The following TTC28 variants were observed in gnomAD, a reference collection of about 807,000 sequenced individuals.
TTC28 encodes tetratricopeptide repeat protein 28.
In TTC28, 61 loss-of-function variants were observed where a neutral mutation model predicts 198.0. The observed-to-expected ratio is 0.31, with a 90% CI of 0.25 to 0.38. TTC28 has a LOEUF of 0.38. TTC28 is among the 10% of genes least tolerant of loss of function. The pLI, the probability that TTC28 is intolerant of heterozygous loss-of-function variation, is 1.00. For missense variants in TTC28, 2,678 were observed against 3,164.0 expected (o/e 0.85, Z 3.69); for synonymous variants, 1,171 against 1,297.8 (o/e 0.90, Z 2.10).
rs188388823 is a variant in TTC28 at position 28,118,907 on chromosome 22, T to C, written c.1442-10504A>G. Reference sequence around the variant, plus strand: ...TGATATTAGAAGTTAAATAAATCCTTTATGGAATGAAACAAGTTATAAACA... The same window carrying C: ...TGATATTAGAAGTTAAATAAATCCTCTATGGAATGAAACAAGTTATAAACA... On this transcript the variant is annotated intron_variant, in intron 6 of 22. Transcript: ENST00000397906. Among the ~76,000 whole-genome samples, 112 of 152,320 alleles carry C rather than the reference T, an allele frequency of 7.4e-4. 1 individual carries two copies. Among genetic ancestry groups the C allele is most frequent in the Admixed American group, 2.5e-3 (38 of 15,296 alleles).
chr22:28,469,475 A>T (rs1355091164), intron 2 of TTC28, among the ~76,000 whole-genome samples: 1 of 152,176 alleles, frequency 6.6e-6, no homozygotes, highest in East Asian at 1.9e-4. Context: ...ATTAAGGATC[A>T]AAAAAATAAA....
At chr22:28,639,456 CAT>C (rs2146231840) in intron 1 of TTC28, among the ~76,000 whole-genome samples, 1 of 152,258 alleles carries the variant, frequency 6.6e-6, no homozygotes, top group Admixed American at 6.5e-5. Context: ...TGAGCAAAGG[CAT>C]ATGTTAGTTG....
chr22:28,509,156 A>C (rs1182678542), intron 2 of TTC28, among the ~76,000 whole-genome samples: 1 of 150,604 alleles, frequency 6.6e-6, no homozygotes, highest in Admixed American at 6.6e-5. Flanking sequence ...GCACCACTGC[A>C]CTCTAGCCTG....
At chr22:28,281,397 CT>C (rs933312164) in intron 5 of TTC28, among the ~76,000 whole-genome samples, 3 of 105,392 alleles carry the variant, frequency 2.8e-5, no homozygotes, top group Admixed American at 8.1e-5. Context: ...CCATCAATGA[CT>C]AATTTGATTT....
At chr22:28,367,632 T>C (rs1420707633) in intron 2 of TTC28, among the ~76,000 whole-genome samples, 1 of 151,796 alleles carries the variant, frequency 6.6e-6, no homozygotes, top group Non-Finnish European at 1.5e-5. Flanking sequence ...AAACAAAAAG[T>C]TGGGTTTTTG....
chr22:27,980,684 G>A lies in TTC28; in HGVS notation c.*1537C>T, dbSNP rs1221147748. On this transcript the variant is annotated 3_prime_UTR_variant, in exon 23 of 23. Transcript: ENST00000397906. ...CCTTCATGAGGAACCCTGTAGTGAGGTGGGTAGGATTTTAATTTTAGAATT... is the reference window on the plus strand; with the variant it reads ...CCTTCATGAGGAACCCTGTAGTGAGATGGGTAGGATTTTAATTTTAGAATT... 6.6e-6 allele frequency: 1 copy of A among 151,482 alleles called. No individual in the cohort carries two copies. Among genetic ancestry groups the A allele is most frequent in the East Asian group, 1.9e-4 (1 of 5,140 alleles). The allele number at this position is 151,482 out of a possible 1,614,324, so 9.4% of individuals were successfully genotyped here.
intron 1 of TTC28, among the ~76,000 whole-genome samples, chr22:28,655,688 A>G (rs2051634097): frequency 6.6e-6 from 1 of 152,064 alleles, no homozygotes; most frequent in South Asian, 2.1e-4. Context: ...CGTCTCTACT[A>G]AAAATACAAA....
chr22:28,356,139 T>C (rs574146037), intron 2 of TTC28, among the ~76,000 whole-genome samples: 117 of 152,332 alleles, frequency 7.7e-4, no homozygotes, highest in Middle Eastern at 3.4e-3. Context: ...CATAAACATG[T>C]TCTGTTCTTT....
intron 2 of TTC28, among the ~76,000 whole-genome samples, chr22:28,347,092 A>G (rs2045913860): frequency 6.6e-6 from 1 of 151,850 alleles, no homozygotes; most frequent in East Asian, 1.9e-4. Context: ...GTGAAATCCC[A>G]TCTCCCCCAA....
chr22:28,401,068 T>C (rs1306770149), intron 2 of TTC28, among the ~76,000 whole-genome samples: 1 of 151,144 alleles, frequency 6.6e-6, no homozygotes, highest in Non-Finnish European at 1.5e-5. Context: ...GCCAGAAAAA[T>C]GGAAATCAGG....
chr22:28,525,947 T>C (rs1293051450), intron 2 of TTC28, among the ~76,000 whole-genome samples: 3 of 152,170 alleles, frequency 2.0e-5, no homozygotes, highest in Non-Finnish European at 2.9e-5. Flanking sequence ...ATCATATGAA[T>C]TCATCACAAA....
chr22:28,174,339 C>T (rs1170376000), intron 5 of TTC28, among the ~76,000 whole-genome samples: 2 of 152,134 alleles, frequency 1.3e-5, no homozygotes, highest in Non-Finnish European at 1.5e-5. Context: ...AGTTTTTCTT[C>T]CTATCCCAAC....
intron 12 of TTC28, among the ~76,000 whole-genome samples, chr22:28,047,911 G>C (rs565633000): frequency 6.6e-6 from 1 of 152,258 alleles, no homozygotes; most frequent in Non-Finnish European, 1.5e-5. Flanking sequence ...TGAAGGAAGG[G>C]AGGCAACCTT....
intron 5 of TTC28, among the ~76,000 whole-genome samples, chr22:28,180,787 C>G (rs1923621715): frequency 6.6e-6 from 1 of 152,144 alleles, no homozygotes; most frequent in African/African-American, 2.4e-5. Flanking sequence ...CATCCATGGC[C>G]TACAAAGAAG....
intron 5 of TTC28, among the ~76,000 whole-genome samples, chr22:28,229,955 T>G (rs979740733): frequency 6.6e-6 from 1 of 151,564 alleles, no homozygotes; most frequent in African/African-American, 2.4e-5. Flanking sequence ...CTTCATGAAG[T>G]GGTAATAAAT....
chr22:28,128,695 T>A (rs1942978286), intron 6 of TTC28, among the ~76,000 whole-genome samples: 1 of 152,042 alleles, frequency 6.6e-6, no homozygotes, highest in South Asian at 2.1e-4. Context: ...CATACCACCA[T>A]GCCCGGCTAA....
intron 2 of TTC28, among the ~76,000 whole-genome samples, chr22:28,485,686 A>C (rs2048306604): frequency 6.6e-6 from 1 of 152,156 alleles, no homozygotes; most frequent in Non-Finnish European, 1.5e-5. Context: ...TTTTCAGATG[A>C]ATATCAAAAG....
chr22:28,235,334 T>A (rs572504166), intron 5 of TTC28, among the ~76,000 whole-genome samples: 95 of 152,334 alleles, frequency 6.2e-4, no homozygotes, highest in African/African-American at 2.2e-3. Context: ...AAAGGATAAT[T>A]AACTTCACCT....
intron 5 of TTC28, among the ~76,000 whole-genome samples, chr22:28,227,269 G>A (rs1601504117): frequency 6.6e-6 from 1 of 152,080 alleles, no homozygotes; most frequent in African/African-American, 2.4e-5. Flanking sequence ...AAACTCAAGA[G>A]CTAAAACTAT....
Sources: gnomAD v4.1 joint callset for allele counts (sites outside exome capture counted in the v4.1 genomes callset) on GRCh38, gnomAD v4.1.1 for gene constraint, MANE v1.5 for transcripts, NCBI Gene and HGNC (gene_info 2026-07-23, HGNC 2026-07-21) for gene names.